Variants in TBXAS1 observed in about 807,000 individuals in gnomAD.
The protein encoded by TBXAS1 is thromboxane A synthase 1.
A neutral mutation model predicts 60.7 loss-of-function variants in TBXAS1; 48 were observed. The ratio of observed to expected loss-of-function variants is 0.79; its 90% CI spans 0.63 to 1.01. The LOEUF is 1.01. Ranked by LOEUF, TBXAS1 falls within the 50% of genes least tolerant of loss-of-function variation. The pLI is 0.00. For synonymous variants in TBXAS1, 287 were observed against 269.7 expected (o/e 1.06, Z -0.63); for missense variants, 685 against 686.3 (o/e 1.00, Z 0.02).
At chr7:140,000,569 T>C (rs192972860) in intron 9 of TBXAS1, among the ~76,000 whole-genome samples, 1 of 152,152 alleles carries the variant, frequency 6.6e-6, no homozygotes, top group African/African-American at 2.4e-5. Flanking sequence ...CCAAGAATCT[T>C]AGGAATAAAA....
intron 11 of TBXAS1, chr7:140,016,685 G>A (rs1011474612): frequency 6.3e-6 from 1 of 158,274 alleles, no homozygotes; most frequent in African/African-American, 2.4e-5. Flanking sequence ...TTTCATTTCT[G>A]GGCTCTGTGA....
At chr7:139,938,275 G>A (rs1281018796) in intron 5 of TBXAS1, among the ~76,000 whole-genome samples, 1 of 152,110 alleles carries the variant, frequency 6.6e-6, no homozygotes, top group Non-Finnish European at 1.5e-5. Context: ...GGGATCACTT[G>A]GGGGGCTTTG....
intron 1 of TBXAS1, among the ~76,000 whole-genome samples, chr7:139,845,823 G>GT (rs11330197): frequency 0.035 from 4,494 of 130,168 alleles, 256 homozygotes; most frequent in African/African-American, 0.12. Context: ...TTGAACTCTA[G>GT]TTTTTTTTTT....
intron 4 of TBXAS1, among the ~76,000 whole-genome samples, chr7:139,930,589 T>A: frequency 6.6e-6 from 1 of 152,128 alleles, no homozygotes; most frequent in Admixed American, 6.5e-5. Flanking sequence ...AAGTAGCAAA[T>A]GCAACCCGAG....
chr7:139,957,570 C>T, intron 7 of TBXAS1, 64 bp from the exon 8 acceptor site: 6 of 1,610,022 alleles, frequency 3.7e-6, no homozygotes, highest in South Asian at 1.1e-5. Flanking sequence ...CGGGAACAGG[C>T]GTCTAATGGC....
At chr7:139,867,372 A>C (rs1801498662) in intron 1 of TBXAS1, among the ~76,000 whole-genome samples, 1 of 152,192 alleles carries the variant, frequency 6.6e-6, no homozygotes, top group African/African-American at 2.4e-5. Context: ...GGAGAAGCCA[A>C]TTCCTGGAGG....
chr7:139,918,335 C>A (rs1482441136), intron 4 of TBXAS1, among the ~76,000 whole-genome samples: 1 of 152,162 alleles, frequency 6.6e-6, no homozygotes, highest in African/African-American at 2.4e-5. Context: ...CCGTTGGCAG[C>A]CACAGGGAGC....
At chr7:139,844,614 T>A (rs1029410039) in intron 1 of TBXAS1, among the ~76,000 whole-genome samples, 1 of 152,182 alleles carries the variant, frequency 6.6e-6, no homozygotes, top group Non-Finnish European at 1.5e-5. Flanking sequence ...CTTTGAAATA[T>A]TGAAAATATC....
upstream of TBXAS1, among the ~76,000 whole-genome samples, chr7:139,825,683 A>G (rs1798418322): frequency 6.6e-6 from 1 of 152,212 alleles, no homozygotes; most frequent in African/African-American, 2.4e-5. Flanking sequence ...AGGGCTTCGG[A>G]GACCTAGATC....
intron 3 of TBXAS1, among the ~76,000 whole-genome samples, chr7:139,903,640 C>A (rs1804750123): frequency 6.6e-6 from 1 of 152,030 alleles, no homozygotes; most frequent in Admixed American, 6.6e-5. Context: ...TGATTATAGC[C>A]ATTTTTGCAG....
intron 3 of TBXAS1, among the ~76,000 whole-genome samples, chr7:139,903,140 G>C (rs888627388): frequency 2.0e-5 from 3 of 151,932 alleles, no homozygotes; most frequent in Non-Finnish European, 4.4e-5. Flanking sequence ...TGTATCATTC[G>C]TATGCCTTTG....
At chr7:139,808,644 C>G (rs940259901) in intron 4 of TBXAS1, among the ~76,000 whole-genome samples, 1 of 152,186 alleles carries the variant, frequency 6.6e-6, no homozygotes, top group Non-Finnish European at 1.5e-5. Flanking sequence ...CCACCGACAT[C>G]TGGTCAATAC....
chr7:139,849,381 C>A (rs1356598970), intron 1 of TBXAS1, among the ~76,000 whole-genome samples: 1 of 145,878 alleles, frequency 6.9e-6, no homozygotes, highest in East Asian at 2.0e-4. Context: ...CCAAAAAAAA[C>A]ACAAAAAACA....
Position 139,991,163 on chromosome 7 carries a change from G to A in TBXAS1, c.1135-15928G>A, listed in dbSNP as rs192317588. On this transcript the variant is annotated intron_variant, in intron 9 of 12. Transcript: ENST00000448866. Reference sequence around the variant, plus strand: ...GCACGGCTGTGATGGAACTCGTTTCGATTTTGTTCCAAAACCTTGTTTAAG... The same window carrying A: ...GCACGGCTGTGATGGAACTCGTTTCAATTTTGTTCCAAAACCTTGTTTAAG... 2.8e-3 allele frequency among the ~76,000 whole-genome samples: 430 copies of A among 152,260 alleles called. 2 individuals carry two copies. The highest frequency in any genetic ancestry group is 1.0e-2 in the African/African-American group (415 of 41,546).
intron 2 of TBXAS1, among the ~76,000 whole-genome samples, chr7:139,873,704 G>C (rs1224855648): frequency 6.6e-6 from 1 of 152,132 alleles, no homozygotes; most frequent in Non-Finnish European, 1.5e-5. Context: ...AGTGGAAATG[G>C]CCAACAGACA....
chr7:139,866,533 C>T (rs972055348), intron 1 of TBXAS1, among the ~76,000 whole-genome samples: 3 of 150,164 alleles, frequency 2.0e-5, no homozygotes, highest in Admixed American at 2.0e-4. Context: ...GCAGGCAGAT[C>T]GCTTGAGCCC....
chr7:140,017,247 C>T (rs373393400), intron 11 of TBXAS1, among the ~76,000 whole-genome samples: 6 of 152,280 alleles, frequency 3.9e-5, no homozygotes, highest in African/African-American at 1.2e-4. Context: ...CTGAGGTGCC[C>T]GGTACCCTGC....
rs551653447 is a variant in TBXAS1 at position 139,874,549 on chromosome 7, T to C, written c.184-1036T>C. Among the ~76,000 whole-genome samples, 12 of 152,322 alleles carry C rather than the reference T, an allele frequency of 7.9e-5. No homozygotes were observed. In the South Asian group the frequency reaches 1.5e-3, roughly 18 times the overall value. ...TATATGGCAAGCTTACGCTGCAGAA[T>C]TCAGTAGATTTCATGAGAAAGGCAT... On this transcript the variant is annotated intron_variant, in intron 2 of 12. Coordinates refer to ENST00000448866, the MANE Select transcript of TBXAS1 (RefSeq NM_001061.7).
intron 1 of TBXAS1, among the ~76,000 whole-genome samples, chr7:139,866,223 A>T (rs1801407812): frequency 6.6e-6 from 1 of 152,208 alleles, no homozygotes; most frequent in Non-Finnish European, 1.5e-5. Flanking sequence ...GAAAATCTTC[A>T]TGCACAAAGT....
Sources: gnomAD v4.1 joint callset for allele counts (sites outside exome capture counted in the v4.1 genomes callset) on GRCh38, gnomAD v4.1.1 for gene constraint, MANE v1.5 for transcripts, NCBI Gene and HGNC (gene_info 2026-07-23, HGNC 2026-07-21) for gene names.